Variants in SNX29 observed in about 807,000 individuals in gnomAD.
The protein encoded by SNX29 is sorting nexin 29.
SNX29 carries 78 observed loss-of-function variants against 102.1 expected under a neutral mutation model. The ratio of observed to expected loss-of-function variants is 0.76; its 90% CI spans 0.64 to 0.92. The LOEUF (loss-of-function observed/expected upper bound fraction) is 0.92. SNX29 is among the 40% of genes least tolerant of loss of function. The pLI, the probability that SNX29 is intolerant of heterozygous loss-of-function variation, is 0.00. For missense variants in SNX29, 1,280 were observed against 1,061.7 expected (o/e 1.21, Z -2.86); for synonymous variants, 580 against 414.5 (o/e 1.40, Z -4.85).
intron 18 of SNX29, among the ~76,000 whole-genome samples, chr16:12,445,764 A>G (rs1047779901): frequency 7.9e-5 from 12 of 152,192 alleles, no homozygotes; most frequent in African/African-American, 2.9e-4. Flanking sequence ...CATGGCGTCT[A>G]CTGTATGCCA....
At chr16:12,300,929 A>G (rs529440834) in intron 15 of SNX29, among the ~76,000 whole-genome samples, 1 of 152,264 alleles carries the variant, frequency 6.6e-6, no homozygotes, top group Admixed American at 6.5e-5. Context: ...TGCCCTTGGA[A>G]GCAAAAATAC....
At chr16:12,291,400 C>T (rs538700198) in intron 15 of SNX29, among the ~76,000 whole-genome samples, 10 of 152,242 alleles carry the variant, frequency 6.6e-5, no homozygotes, top group Admixed American at 2.6e-4. Context: ...CTCACTGTCA[C>T]GAGAACAGCA....
chr16:12,387,403 CGTT>C (rs1324196876), intron 16 of SNX29, among the ~76,000 whole-genome samples: 1 of 152,116 alleles, frequency 6.6e-6, no homozygotes, highest in Non-Finnish European at 1.5e-5. Flanking sequence ...TGAGGAGAAT[CGTT>C]GGCGTCTCAG....
chr16:12,364,187 T>C (rs972649604), intron 16 of SNX29, among the ~76,000 whole-genome samples: 7 of 151,036 alleles, frequency 4.6e-5, no homozygotes, highest in African/African-American at 1.5e-4. Context: ...TGTTATGTTA[T>C]GTTATGTTAT....
rs1038982684 is a variant in SNX29, at chr16:12,572,203, G to C, written c.*3574G>C. The C allele has an allele frequency of 3.1e-6, 3 of 977,010 alleles. No homozygotes were observed. The highest frequency in any genetic ancestry group is 3.4e-5 in the African/African-American group (2 of 59,114). 60.5% of individuals were successfully genotyped at this position (977,010 alleles called of 1,614,324 possible). ...TTAGAACCATGGCAGGTAGTATTGT[G>C]CTTTAAAAACCAGAGGCTCCTGAAA... On this transcript the variant is annotated 3_prime_UTR_variant, in exon 21 of 21. Transcript: ENST00000566228.
chr16:12,026,956 A>C (rs572239781), intron 3 of SNX29, among the ~76,000 whole-genome samples: 3 of 152,310 alleles, frequency 2.0e-5, no homozygotes, highest in African/African-American at 7.2e-5. Flanking sequence ...TGTGAATTGG[A>C]TGCAATTAAC....
In SNX29 at chr16:12,146,472, G is replaced by C. The variant is rs539147643; in HGVS notation, c.1595+16714G>C. 2.0e-5 allele frequency among the ~76,000 whole-genome samples: 3 copies of C among 152,218 alleles called. No individual in the cohort carries two copies. The South Asian group carries it at 6.2e-4, about 32-fold the overall frequency. The stretch of plus-strand genomic sequence containing the variant: ...ATAGAGATGGGGTTTTGCCATGTTG[G>C]CCAGGCTGGTCTCGAACTCTTGACC... On this transcript the variant is annotated intron_variant, in intron 13 of 20. Transcript: ENST00000566228.
chr16:12,567,379 C>T (rs1053588797), intron 20 of SNX29, among the ~76,000 whole-genome samples: 3 of 152,134 alleles, frequency 2.0e-5, no homozygotes, highest in Non-Finnish European at 4.4e-5. Flanking sequence ...AACATTTTAT[C>T]CCAGTGAGGT....
chr16:12,516,931 A>G (rs1203087762), intron 19 of SNX29, among the ~76,000 whole-genome samples: 1 of 152,220 alleles, frequency 6.6e-6, no homozygotes, highest in Non-Finnish European at 1.5e-5. Flanking sequence ...TCGTTTTAAA[A>G]ATAGCTATTC....
At chr16:12,243,848 G>C (rs2078183721) in intron 14 of SNX29, among the ~76,000 whole-genome samples, 1 of 152,190 alleles carries the variant, frequency 6.6e-6, no homozygotes, top group African/African-American at 2.4e-5. Context: ...ATTAAGTAGG[G>C]TAATAACTGT....
rs186963955 is a variant in SNX29 at position 12,222,100 on chromosome 16, G to A, written c.1678+22417G>A. On this transcript the variant is annotated intron_variant, in intron 14 of 20. Transcript: ENST00000566228. ...GATCTGTACATTGACTCATTGAATC[G>A]TCACATAAGCCTACATAGGTAGGTG... is the stretch of plus-strand genomic sequence containing the variant. 1.5e-3 allele frequency among the ~76,000 whole-genome samples: 235 copies of A among 152,330 alleles called. 1 individual carries two copies. The highest frequency in any genetic ancestry group is 2.0e-3 in the Admixed American group (30 of 15,300).
intron 18 of SNX29, among the ~76,000 whole-genome samples, chr16:12,474,782 C>T (rs765846791): frequency 3.3e-5 from 5 of 152,176 alleles, no homozygotes; most frequent in African/African-American, 9.7e-5. Context: ...CTCCCACTTC[C>T]GTGGTTTCCC....
At position 12,102,865 on chromosome 16, in the gene SNX29, T is replaced by G. The variant is rs2053080332; in HGVS notation, c.1403-23768T>G. Reference sequence around the variant, plus strand: ...GCTGATAAGCAACTTCAGTAAAGTCTCTGGATATAAAATCAATGTGCAAAA... The same window carrying G: ...GCTGATAAGCAACTTCAGTAAAGTCGCTGGATATAAAATCAATGTGCAAAA... On this transcript the variant is annotated intron_variant, in intron 11 of 20. Transcript: ENST00000566228. Among the ~76,000 whole-genome samples, 3 of 152,232 alleles carry G rather than the reference T, an allele frequency of 2.0e-5. No individual in the cohort carries two copies. The South Asian group carries it at 6.2e-4, about 32-fold the overall frequency.
chr16:12,531,593 G>C (rs1055260407), intron 20 of SNX29, among the ~76,000 whole-genome samples: 1 of 152,196 alleles, frequency 6.6e-6, no homozygotes, highest in African/African-American at 2.4e-5. Flanking sequence ...GGATGAGGAC[G>C]GTGAGAGTTG....
chr16:12,535,607 G>A (rs1172908873), intron 20 of SNX29, among the ~76,000 whole-genome samples: 1 of 147,050 alleles, frequency 6.8e-6, no homozygotes, highest in African/African-American at 2.7e-5. Context: ...TCTACCCTTT[G>A]TCACTGTCAG....
At chr16:12,471,914 C>A (rs1458233845) in intron 18 of SNX29, among the ~76,000 whole-genome samples, 3 of 152,232 alleles carry the variant, frequency 2.0e-5, no homozygotes, top group Non-Finnish European at 4.4e-5. Context: ...CATGTTTTCT[C>A]CTCCTCGCTT....
intron 18 of SNX29, among the ~76,000 whole-genome samples, chr16:12,425,225 G>C (rs1233469181): frequency 6.6e-6 from 1 of 152,232 alleles, no homozygotes; most frequent in Non-Finnish European, 1.5e-5. Flanking sequence ...AGTGCTCAGG[G>C]TGAAAGTGAG....
At chr16:12,109,943 C>A (rs2053436545) in intron 11 of SNX29, among the ~76,000 whole-genome samples, 1 of 152,160 alleles carries the variant, frequency 6.6e-6, no homozygotes, top group African/African-American at 2.4e-5. Flanking sequence ...GTTGGCCAGG[C>A]TGGTCTTGAA....
intron 17 of SNX29, among the ~76,000 whole-genome samples, chr16:12,403,182 G>A (rs930945933): frequency 6.7e-6 from 1 of 149,506 alleles, no homozygotes; most frequent in Non-Finnish European, 1.5e-5. Flanking sequence ...TTCACATTCC[G>A]GAGTACAGAT....
Sources: gnomAD v4.1 joint callset for allele counts (sites outside exome capture counted in the v4.1 genomes callset) on GRCh38, gnomAD v4.1.1 for gene constraint, MANE v1.5 for transcripts, NCBI Gene and HGNC (gene_info 2026-07-23, HGNC 2026-07-21) for gene names.